Variants in ZC3H3 observed in about 807,000 individuals in gnomAD.
ZC3H3 encodes zinc finger CCCH domain-containing protein 3.
ZC3H3 carries 36 observed loss-of-function variants against 77.3 expected under a neutral mutation model. That is an observed-to-expected ratio of 0.47 (90% CI 0.36 to 0.61). The LOEUF is 0.61. Among genes scored for constraint, ZC3H3 ranks in the 20% least tolerant of loss-of-function variants. The pLI, the probability that ZC3H3 is intolerant of heterozygous loss-of-function variation, is 0.00. For synonymous variants in ZC3H3, 626 were observed against 555.2 expected (o/e 1.13, Z -1.79); for missense variants, 1,331 against 1,312.2 (o/e 1.01, Z -0.22).
chr8:143,500,807 T>C (rs1288696420), intron 4 of ZC3H3, among the ~76,000 whole-genome samples: 1 of 126,790 alleles, frequency 7.9e-6, no homozygotes, highest in African/African-American at 3.0e-5. Flanking sequence ...CACCGTCACG[T>C]CACAATGTCT....
At chr8:143,444,620 T>G (rs1182290352) in intron 9 of ZC3H3, among the ~76,000 whole-genome samples, 1 of 152,246 alleles carries the variant, frequency 6.6e-6, no homozygotes, top group African/African-American at 2.4e-5. Context: ...AAGAATCATA[T>G]GATCACCTCA....
rs1822684638 is a variant in ZC3H3, at chr8:143,533,388, T to C, written c.1561+2869A>G. Among the ~76,000 whole-genome samples the C allele has an allele frequency of 6.6e-6, 1 of 152,178 alleles. No individual in the cohort carries two copies. The highest frequency in any genetic ancestry group is 2.4e-5 in the African/African-American group (1 of 41,448). ...CACTCGCCAACCACCTCTCTGCAGC[T>C]GGCCCTGTGCTCTCCCCCTGCCTGT... On this transcript the variant is annotated intron_variant, in intron 3 of 11. Transcript: ENST00000262577. This position sits in a 1 kb window ranked among gnomAD's most constrained non-coding sequence, Gnocchi z 4.0.
chr8:143,498,839 G>A (rs1487401472), intron 4 of ZC3H3, among the ~76,000 whole-genome samples: 5 of 120,394 alleles, frequency 4.2e-5, no homozygotes, highest in African/African-American at 7.0e-5. Flanking sequence ...GGCACAGGGC[G>A]GGGCAGAGGG....
At position 143,530,244 on chromosome 8, in the gene ZC3H3, C is replaced by T. The variant is rs1280472142; in HGVS notation, c.1561+6013G>A. 6.6e-6 allele frequency among the ~76,000 whole-genome samples: 1 copy of T among 152,146 alleles called. No homozygotes were observed. Among genetic ancestry groups the T allele is most frequent in the Non-Finnish European group, 1.5e-5 (1 of 68,028 alleles). On this transcript the variant is annotated intron_variant, in intron 3 of 11. Transcript: ENST00000262577. This position sits in a 1 kb window ranked among gnomAD's most constrained non-coding sequence, Gnocchi z 4.3. ...CAGGACCTGCCAGGCCCGCACCCTCCACCAGCACACTGGCGACAAGTCTGG... is the reference window on the plus strand; with the variant it reads ...CAGGACCTGCCAGGCCCGCACCCTCTACCAGCACACTGGCGACAAGTCTGG...
intron 4 of ZC3H3, among the ~76,000 whole-genome samples, chr8:143,483,266 G>T (rs1820956824): frequency 6.6e-6 from 1 of 152,234 alleles, no homozygotes; most frequent in South Asian, 2.1e-4. Context: ...CACCGTGCTG[G>T]CTCGGGAGGG....
chr8:143,510,247 C>T (rs1416373612), intron 3 of ZC3H3, among the ~76,000 whole-genome samples: 2 of 152,244 alleles, frequency 1.3e-5, no homozygotes, highest in South Asian at 2.1e-4. Context: ...GACCCCTCTC[C>T]TACAGTCCCT....
intron 4 of ZC3H3, among the ~76,000 whole-genome samples, chr8:143,479,407 G>C (rs114416429): frequency 6.6e-6 from 1 of 152,176 alleles, no homozygotes; most frequent in African/African-American, 2.4e-5. Context: ...CCAAGGACCC[G>C]GAGCGCGCGT....
intron 3 of ZC3H3, among the ~76,000 whole-genome samples, chr8:143,512,890 C>T (rs1476191511): frequency 6.6e-6 from 1 of 152,208 alleles, no homozygotes; most frequent in Non-Finnish European, 1.5e-5. Flanking sequence ...GTACACGCAG[C>T]GGGCAGGACC....
intron 4 of ZC3H3, among the ~76,000 whole-genome samples, chr8:143,503,596 C>G (rs1200972054): frequency 6.8e-6 from 1 of 147,678 alleles, no homozygotes; most frequent in African/African-American, 2.5e-5. Flanking sequence ...TCCACCACCA[C>G]CTCCCCCAGC....
At position 143,538,368 on chromosome 8, in the gene ZC3H3, A is replaced by G. The variant is rs751647608; in HGVS notation, c.999T>C (p.Ala333=). The G allele has an allele frequency of 1.7e-5, 27 of 1,612,982 alleles. No homozygotes were observed. The Admixed American group carries it at 1.8e-4, about 11-fold the overall frequency. ...VARRALSPRV[A]AENVCKASAG... is the part of the protein sequence containing the mutation. The stretch of plus-strand genomic sequence containing the variant: ...CAGAGGCCTTGCACACATTCTCTGC[A>G]GCCACTCTGGGACTGAGGGCCCTCC... The change falls in exon 2 of 12, where the codon GCT becomes GCC. Residue 333 remains alanine (A), a synonymous_variant. Transcript: ENST00000262577.
At chr8:143,504,188 C>T (rs527319175) in intron 4 of ZC3H3, among the ~76,000 whole-genome samples, 1 of 152,328 alleles carries the variant, frequency 6.6e-6, no homozygotes, top group African/African-American at 2.4e-5. Flanking sequence ...AGCTCAGGGC[C>T]TGGGGCTCTC....
chr8:143,466,791 T>A (rs1820420171), intron 8 of ZC3H3, among the ~76,000 whole-genome samples: 1 of 152,114 alleles, frequency 6.6e-6, no homozygotes, highest in Non-Finnish European at 1.5e-5. Context: ...AGGGCCTTCC[T>A]CCCTCCTGGG....
At chr8:143,537,930 G>T in intron 2 of ZC3H3, 73 bp downstream of exon 2, 1 of 1,389,730 alleles carries the variant, frequency 7.2e-7, no homozygotes, top group Non-Finnish European at 9.7e-7. Flanking sequence ...GAGCTCAGCA[G>T]ATCCATTAGG....
rs1489075778 is a variant in ZC3H3, at chr8:143,538,476, C to T, written c.891G>A (p.Leu297=). ...SGPRQAREAS[L]VVTCRTNKFR... is the part of the protein sequence containing the mutation. ...ACTTGTTAGTTCGACAGGTCACAAC[C>T]AGCGAGGCCTCCCGGGCCTGCCTGG... is the stretch of plus-strand genomic sequence containing the variant. Residue 297 remains leucine (L), a synonymous_variant, in exon 2 of 12, where the codon CTG becomes CTA. Transcript: ENST00000262577. The T allele has an allele frequency of 3.7e-5, 59 of 1,612,918 alleles. No individual in the cohort carries two copies. Among genetic ancestry groups the T allele is most frequent in the Non-Finnish European group, 4.7e-5 (56 of 1,180,048 alleles).
intron 4 of ZC3H3, among the ~76,000 whole-genome samples, chr8:143,507,257 G>A (rs913146152): frequency 9.2e-5 from 14 of 152,176 alleles, no homozygotes; most frequent in African/African-American, 3.4e-4. Flanking sequence ...GAGTGCGAGT[G>A]GGGGCCAGAA....
chr8:143,478,605 G>A (rs1338023121), intron 4 of ZC3H3, among the ~76,000 whole-genome samples: 6 of 152,256 alleles, frequency 3.9e-5, no homozygotes, highest in Non-Finnish European at 5.9e-5. Flanking sequence ...CGCCTCCCGG[G>A]TTCAAGAGGT....
chr8:143,506,387 A>C (rs1231475425), intron 4 of ZC3H3, among the ~76,000 whole-genome samples: 1 of 152,212 alleles, frequency 6.6e-6, no homozygotes, highest in Admixed American at 6.5e-5. Context: ...AAATTAATTT[A>C]AGTTAATTTA....
At chr8:143,482,676 A>AG (rs1214070686) in intron 4 of ZC3H3, among the ~76,000 whole-genome samples, 4 of 152,134 alleles carry the variant, frequency 2.6e-5, no homozygotes, top group African/African-American at 9.7e-5. Flanking sequence ...GGGCTCAAGG[A>AG]GGGAGGCATG....
chr8:143,523,019 A>G (rs1041065542), intron 3 of ZC3H3, among the ~76,000 whole-genome samples: 3 of 152,184 alleles, frequency 2.0e-5, no homozygotes, highest in Non-Finnish European at 2.9e-5. Flanking sequence ...ACAGAACCTG[A>G]GCCCCCTCAT....
Sources: allele counts gnomAD v4.1 joint callset (sites outside exome capture counted in the v4.1 genomes callset), GRCh38; gene constraint gnomAD v4.1.1; non-coding constraint Gnocchi (gnomAD v3.1); transcripts MANE v1.5; gene names NCBI Gene and HGNC (gene_info 2026-07-23, HGNC 2026-07-21).